ADCY2: variants seen among roughly 807,000 people sequenced by gnomAD.
The protein encoded by ADCY2 is adenylate cyclase 2.
Under a neutral mutation model 125.2 loss-of-function variants are expected in ADCY2, and 31 were observed. The observed-to-expected ratio is 0.25, with a 90% CI of 0.19 to 0.33. ADCY2 has a LOEUF of 0.33. Among genes scored for constraint, ADCY2 ranks in the 10% least tolerant of loss-of-function variants. ADCY2 has a pLI of 1.00. For missense variants in ADCY2, 904 were observed against 1,418.2 expected, an observed-to-expected ratio of 0.64 and a Z score of 5.82; for synonymous variants, 512 against 548.4, an observed-to-expected ratio of 0.93 and a Z score of 0.93.
intron 16 of ADCY2, 29 bp from the exon 17 acceptor site, chr5:7,766,658 A>G (rs191646201): frequency 6.2e-7 from 1 of 1,609,454 alleles, no homozygotes; most frequent in East Asian, 2.2e-5. Flanking sequence ...ATTTACATTA[A>G]TTCATTGAAA....
At chr5:7,537,630 G>A (rs1430089144) in intron 3 of ADCY2, among the ~76,000 whole-genome samples, 2 of 152,130 alleles carry the variant, frequency 1.3e-5, no homozygotes, top group Non-Finnish European at 2.9e-5. Flanking sequence ...GGGGAGCTGC[G>A]GGAACCCCCA....
chr5:7,519,517 C>T (rs941350169), intron 2 of ADCY2, among the ~76,000 whole-genome samples: 1 of 152,204 alleles, frequency 6.6e-6, no homozygotes, highest in East Asian at 1.9e-4. Context: ...CAGTCCCTTC[C>T]AACTGGATTG....
At chr5:7,570,039 TTGAC>T (rs1736022655) in intron 3 of ADCY2, among the ~76,000 whole-genome samples, 2 of 152,122 alleles carry the variant, frequency 1.3e-5, no homozygotes, top group South Asian at 2.1e-4. Context: ...AGGAAACTGA[TTGAC>T]TGAATGACTA....
chr5:7,816,363 C>T (rs1271747672), intron 22 of ADCY2, among the ~76,000 whole-genome samples: 2 of 152,176 alleles, frequency 1.3e-5, no homozygotes, highest in African/African-American at 4.8e-5. Flanking sequence ...AGAGGAGGAA[C>T]GAGGCCCCAA....
At chr5:7,806,896 A>G (rs1057323692) in intron 22 of ADCY2, among the ~76,000 whole-genome samples, 2 of 152,126 alleles carry the variant, frequency 1.3e-5, no homozygotes, top group African/African-American at 4.8e-5. Context: ...GCACTAGCAT[A>G]TTATTTCTCA....
rs771670496 is a variant in ADCY2 at position 7,414,573 on chromosome 5, G to A, written c.211G>A (p.Glu71Lys). The A allele has an allele frequency of 6.2e-7, 1 of 1,605,664 alleles. No homozygotes were observed. Among genetic ancestry groups the A allele is most frequent in the Admixed American group, 1.7e-5 (1 of 57,950 alleles). The stretch of plus-strand genomic sequence containing the variant: ...TCCATGTATTTTTTTATCTCCTCAG[G>A]AAGTTGAAGACCATGTGGCGTTTCT... ...LLAVFFALGL[E>K]VEDHVAFLIT... is the part of the protein sequence containing the mutation. Residue 71 changes from glutamate to lysine, a missense_variant and splice_region_variant, in exon 2 of 25, where the codon GAA (glutamate) becomes AAA (lysine). Coordinates refer to ENST00000338316, the MANE Select transcript of ADCY2 (RefSeq NM_020546.3).
intron 14 of ADCY2, among the ~76,000 whole-genome samples, chr5:7,739,230 G>A (rs114593314): frequency 0.018 from 2,740 of 151,856 alleles, 78 homozygotes; most frequent in African/African-American, 0.062. Flanking sequence ...ATAGTCTGAC[G>A]TCTAACCACA....
chr5:7,737,547 T>A (rs1579374231), intron 14 of ADCY2, among the ~76,000 whole-genome samples: 2 of 152,248 alleles, frequency 1.3e-5, no homozygotes, highest in East Asian at 3.9e-4. Context: ...TCGGCCAAAC[T>A]AGCTAGAGAC....
At chr5:7,677,873 C>T (rs967243) in intron 4 of ADCY2, among the ~76,000 whole-genome samples, 25,314 of 152,162 alleles carry the variant, frequency 0.17, 2,398 homozygotes, top group Admixed American at 0.33. Flanking sequence ...GGCTTGAGCT[C>T]AAGTCAGCGT....
At position 7,724,330 on chromosome 5, in the gene ADCY2, G is replaced by A. The variant is rs1212954332; in HGVS notation, c.1704-215G>A. Reference sequence around the variant, plus strand: ...AATATAGAATTTTCCAAGGAGGGCAGTGTGTGATTAGGAATATTCTATTTT... The same window carrying A: ...AATATAGAATTTTCCAAGGAGGGCAATGTGTGATTAGGAATATTCTATTTT... On this transcript the variant is annotated intron_variant, in intron 12 of 24. Transcript: ENST00000338316. Among the ~76,000 whole-genome samples the A allele has an allele frequency of 3.3e-5, 5 of 151,544 alleles. No homozygotes were observed. The East Asian group carries it at 7.8e-4, about 24-fold the overall frequency.
intron 3 of ADCY2, among the ~76,000 whole-genome samples, chr5:7,559,658 G>A (rs910048236): frequency 6.6e-6 from 1 of 152,118 alleles, no homozygotes; most frequent in Non-Finnish European, 1.5e-5. Flanking sequence ...CTATTTGGAT[G>A]CCTTTATTTC....
intron 3 of ADCY2, among the ~76,000 whole-genome samples, chr5:7,620,733 A>G (rs1737925881): frequency 3.3e-5 from 5 of 152,176 alleles, no homozygotes; most frequent in Admixed American, 2.6e-4. Flanking sequence ...AGCTTACTGA[A>G]TATTCATTCC....
Position 7,658,137 on chromosome 5 carries a change from A to T in ADCY2, c.720+31821A>T, listed in dbSNP as rs1297081176. 2.6e-5 allele frequency: 4 copies of T among 152,184 alleles called. No individual in the cohort carries two copies. In the South Asian group the frequency reaches 8.3e-4, roughly 32 times the overall value. 9.4% of individuals were successfully genotyped at this position (152,184 alleles called of 1,614,324 possible). The stretch of plus-strand genomic sequence containing the variant: ...CCAAAGACTTTTACTGAACATGGAG[A>T]TCTTCAGTTGTACCCAACCAATGCA... On this transcript the variant is annotated intron_variant, in intron 4 of 24. Coordinates refer to ENST00000338316, the MANE Select transcript of ADCY2 (RefSeq NM_020546.3).
At chr5:7,436,016 G>T (rs1287388309) in intron 2 of ADCY2, among the ~76,000 whole-genome samples, 3 of 152,068 alleles carry the variant, frequency 2.0e-5, no homozygotes, top group Admixed American at 2.0e-4. Flanking sequence ...TTATTTGCAG[G>T]TTCCATATTT....
chr5:7,439,860 G>A (rs1323978756), intron 2 of ADCY2, among the ~76,000 whole-genome samples: 1 of 152,112 alleles, frequency 6.6e-6, no homozygotes, highest in Admixed American at 6.5e-5. Flanking sequence ...AGGAGAAATG[G>A]GAGACACAGG....
intron 14 of ADCY2, among the ~76,000 whole-genome samples, chr5:7,741,080 A>T (rs2126426634): frequency 6.6e-6 from 1 of 152,168 alleles, no homozygotes; most frequent in South Asian, 2.1e-4. Context: ...AGAAATTACA[A>T]ATATGGAGAG....
chr5:7,827,167 G>T lies in ADCY2; in HGVS notation c.*296G>T. 3.2e-6 allele frequency: 1 copy of T among 316,560 alleles called. No homozygotes were observed. The highest frequency in any genetic ancestry group is 5.8e-6 in the Non-Finnish European group (1 of 172,204). 19.6% of individuals were successfully genotyped at this position (316,560 alleles called of 1,614,324 possible). A position where few individuals can be genotyped will look rare whatever the true frequency, so the allele number is the denominator to read the frequency against. On this transcript the variant is annotated 3_prime_UTR_variant, in exon 25 of 25. Coordinates refer to ENST00000338316, the MANE Select transcript of ADCY2 (RefSeq NM_020546.3). ...GGTGAAACACACACACATTCTTAAG[G>T]CAATAAAACTAGGGGGTGTATATTA...
chr5:7,474,978 C>A lies in ADCY2; in HGVS notation c.409-45760C>A, dbSNP rs143180809. Among the ~76,000 whole-genome samples the A allele has an allele frequency of 1.2e-4, 19 of 152,292 alleles. No individual in the cohort carries two copies. The East Asian group carries it at 3.7e-3, about 29-fold the overall frequency. On this transcript the variant is annotated intron_variant, in intron 2 of 24. Coordinates refer to ENST00000338316, the MANE Select transcript of ADCY2 (RefSeq NM_020546.3). ...GGGAAGGGTATCCCTGGACCTGGGC[C>A]ACAAGCGTCCAGAGCGCTCCCGGGA...
intron 18 of ADCY2, among the ~76,000 whole-genome samples, chr5:7,780,259 C>G (rs985328249): frequency 1.3e-5 from 2 of 152,244 alleles, no homozygotes; most frequent in Non-Finnish European, 2.9e-5. Flanking sequence ...ATGTTGTCTT[C>G]TGGCTCTGTG....
Sources: allele counts gnomAD v4.1 joint callset (sites outside exome capture counted in the v4.1 genomes callset), GRCh38; gene constraint gnomAD v4.1.1; transcripts MANE v1.5; gene names NCBI Gene and HGNC (gene_info 2026-07-23, HGNC 2026-07-21).